KIAA1217: variants seen among roughly 807,000 people sequenced by gnomAD.
The protein encoded by KIAA1217 is KIAA1217.
A neutral mutation model predicts 163.9 loss-of-function variants in KIAA1217; 88 were observed. That is an observed-to-expected ratio of 0.54 (90% CI 0.45 to 0.64). The LOEUF (loss-of-function observed/expected upper bound fraction) is 0.64. Among genes scored for constraint, KIAA1217 ranks in the 30% least tolerant of loss-of-function variants. The probability of loss-of-function intolerance (pLI) is 0.00; values close to 1 mark genes in which losing one functional copy is unlikely to be tolerated. For synonymous variants in KIAA1217, 903 were observed against 923.1 expected (o/e 0.98, Z 0.39); for missense variants, 2,372 against 2,475.0 (o/e 0.96, Z 0.88).
At chr10:23,888,932 A>G (rs575373229) in intron 1 of KIAA1217, among the ~76,000 whole-genome samples, 3 of 151,826 alleles carry the variant, frequency 2.0e-5, no homozygotes, top group African/African-American at 7.2e-5. Context: ...GCATTATACA[A>G]TTGGAATCAT....
intron 6 of KIAA1217, chr10:24,481,357 C>T (rs1200647686): frequency 6.6e-6 from 1 of 152,196 alleles, no homozygotes; most frequent in African/African-American, 2.4e-5. Flanking sequence ...TTGAATTTCA[C>T]ACGTGATATT....
intron 8 of KIAA1217, among the ~76,000 whole-genome samples, chr10:24,499,248 A>G (rs535666395): frequency 1.4e-4 from 21 of 152,372 alleles, no homozygotes; most frequent in African/African-American, 5.0e-4. Flanking sequence ...TAACTCTAAC[A>G]TGCAGCTGTC....
chr10:24,125,238 C>T (rs1288256501), intron 2 of KIAA1217, among the ~76,000 whole-genome samples: 1 of 152,064 alleles, frequency 6.6e-6, no homozygotes, highest in Non-Finnish European at 1.5e-5. Context: ...TGCCACTGCA[C>T]TCCAGCCTGG....
chr10:24,118,199 T>C (rs2063137485), intron 2 of KIAA1217, among the ~76,000 whole-genome samples: 1 of 150,418 alleles, frequency 6.6e-6, no homozygotes, highest in Non-Finnish European at 1.5e-5. Context: ...GAAGACTGAA[T>C]CTAGCAAAAC....
At chr10:24,168,329 T>C (rs933862678) in intron 2 of KIAA1217, among the ~76,000 whole-genome samples, 9 of 152,260 alleles carry the variant, frequency 5.9e-5, no homozygotes, top group African/African-American at 2.2e-4. Context: ...CAAGAAAAAC[T>C]GAGGCTCCAT....
intron 3 of KIAA1217, among the ~76,000 whole-genome samples, chr10:24,407,542 G>A (rs1351524231): frequency 6.6e-6 from 1 of 152,124 alleles, no homozygotes; most frequent in African/African-American, 2.4e-5. Flanking sequence ...CTGGCCTCAA[G>A]TGATCCCCCC....
At chr10:23,942,821 G>T (rs1369067043) in intron 1 of KIAA1217, among the ~76,000 whole-genome samples, 2 of 151,812 alleles carry the variant, frequency 1.3e-5, no homozygotes, top group East Asian at 1.9e-4. Flanking sequence ...TCAAGAAAAA[G>T]AAACAGTCTG....
intron 1 of KIAA1217, among the ~76,000 whole-genome samples, chr10:23,975,057 G>A (rs1216483345): frequency 1.3e-5 from 2 of 152,098 alleles, no homozygotes; most frequent in African/African-American, 4.8e-5. Flanking sequence ...CCTTTCCTGG[G>A]TCAGTGATTT....
At chr10:24,355,034 C>T (rs1409451578) in intron 2 of KIAA1217, among the ~76,000 whole-genome samples, 1 of 152,100 alleles carries the variant, frequency 6.6e-6, no homozygotes. Flanking sequence ...ATTGTCAGCC[C>T]CTAAAGTATT....
In KIAA1217 at chr10:24,093,757, G is replaced by A. The variant is rs985445087; in HGVS notation, c.-171+86383G>A. ...GCTGGTGTGCTGCACCCATTAACTC[G>A]TCATTTAGCATTAGGTATATCTCCT... is the stretch of plus-strand genomic sequence containing the variant. On this transcript the variant is annotated intron_variant, in intron 2 of 18. Coordinates refer to the KIAA1217 transcript ENST00000376462. 7.4e-5 allele frequency among the ~76,000 whole-genome samples: 11 copies of A among 148,904 alleles called. 1 individual carries two copies. The highest frequency in any genetic ancestry group is 2.3e-4 in the African/African-American group (9 of 39,880).
intron 1 of KIAA1217, among the ~76,000 whole-genome samples, chr10:23,756,532 T>C (rs188756679): frequency 7.9e-5 from 12 of 152,332 alleles, no homozygotes; most frequent in Admixed American, 1.3e-4. Context: ...AATGTTTGAC[T>C]ATGTTTGTTT....
At position 24,211,554 on chromosome 10, in the gene KIAA1217, TG is replaced by T. The variant is rs1376111999; in HGVS notation, c.70+2292del. 4.3e-3 allele frequency among the ~76,000 whole-genome samples: 235 copies of T among 55,108 alleles called. 4 individuals are homozygous for T. Among genetic ancestry groups the T allele is most frequent in the African/African-American group, 0.012 (229 of 19,700 alleles). 36.2% of individuals were successfully genotyped at this position (55,108 alleles called of 152,430 possible). ...ATGGTTGTATTGTATTGTATTGTAT[TG>T]TATTGTATTGTATTGTATTGTATTG... On this transcript the variant is annotated intron_variant, in intron 1 of 20. Coordinates refer to ENST00000376454, the MANE Select transcript of KIAA1217 (RefSeq NM_019590.5).
At chr10:23,929,319 T>A (rs1263007185) in intron 1 of KIAA1217, among the ~76,000 whole-genome samples, 1 of 152,040 alleles carries the variant, frequency 6.6e-6, no homozygotes, top group African/African-American at 2.4e-5. Context: ...ATTTTATTTT[T>A]TATTTTTTTT....
chr10:24,367,608 T>A (rs557268580), intron 2 of KIAA1217, among the ~76,000 whole-genome samples: 1 of 152,340 alleles, frequency 6.6e-6, no homozygotes, highest in South Asian at 2.1e-4. Context: ...GAAGCCTGAA[T>A]CATTCTGACA....
chr10:24,230,671 CTGGCTAACTTTTGCATTTT>C (rs1030125135), intron 2 of KIAA1217, among the ~76,000 whole-genome samples: 5 of 152,010 alleles, frequency 3.3e-5, no homozygotes, highest in African/African-American at 9.7e-5. Flanking sequence ...GCAACCACTC[CTGGCTAACTTTTGCATTTT>C]TGGCTAACTT....
At chr10:23,746,830 T>G (rs1171206239) in intron 1 of KIAA1217, among the ~76,000 whole-genome samples, 1 of 152,078 alleles carries the variant, frequency 6.6e-6, no homozygotes, top group Non-Finnish European at 1.5e-5. Flanking sequence ...ATGATTTGCT[T>G]CAGCTACAAT....
At chr10:24,536,054 T>C (rs1399400023) in intron 16 of KIAA1217, among the ~76,000 whole-genome samples, 1 of 152,198 alleles carries the variant, frequency 6.6e-6, no homozygotes, top group African/African-American at 2.4e-5. Context: ...ATTGCCCACA[T>C]GCCCGCTTCC....
Position 24,473,789 on chromosome 10 carries a change from A to T in KIAA1217, c.1408A>T (p.Thr470Ser). The change falls in exon 6 of 21, where the codon ACA (threonine) becomes TCA (serine). Residue 470 changes from threonine (T) to serine (S), a missense_variant. Around this residue, in one of 3 missense-constraint regions of KIAA1217, gnomAD observed 1,431 missense variants for 1,470.3 expected, o/e 0.97. Transcript: ENST00000376454. ...DSHLPTLGSK[T>S]PPASPHRVSD... ...CCATTTGCCTACACTGGGCTCCAAA[A>T]CACCCCCTGCCTCTCCTCACAGAGT... 1.2e-6 allele frequency: 2 copies of T among 1,614,050 alleles called. No homozygotes were observed. The highest frequency in any genetic ancestry group is 1.7e-6 in the Non-Finnish European group (2 of 1,180,012).
chr10:24,116,280 A>C (rs1450441331), intron 2 of KIAA1217, among the ~76,000 whole-genome samples: 4 of 152,032 alleles, frequency 2.6e-5, no homozygotes. Context: ...ACAGCTCAGA[A>C]AAAAAAGGCC....
Sources: allele counts gnomAD v4.1 joint callset (sites outside exome capture counted in the v4.1 genomes callset), GRCh38; gene constraint gnomAD v4.1.1; regional missense constraint gnomAD v4.1.1; transcripts MANE v1.5; gene names NCBI Gene and HGNC (gene_info 2026-07-23, HGNC 2026-07-21).